The following OPCML variants were observed in gnomAD, a reference collection of about 807,000 sequenced individuals.
OPCML encodes opioid binding protein/cell adhesion molecule like.
In OPCML, 13 loss-of-function variants were observed where a neutral mutation model predicts 37.8. That is an observed-to-expected ratio of 0.34 (90% CI 0.22 to 0.55). The LOEUF (loss-of-function observed/expected upper bound fraction) is 0.55. Ranked by LOEUF, OPCML falls within the 20% of genes least tolerant of loss-of-function variation. OPCML has a pLI of 0.91. For synonymous variants in OPCML, 176 were observed against 168.8 expected (o/e 1.04, Z -0.33); for missense variants, 341 against 435.6 (o/e 0.78, Z 1.93).
At chr11:132,484,737 C>A (rs2096193741) in intron 4 of OPCML, among the ~76,000 whole-genome samples, 1 of 152,008 alleles carries the variant, frequency 6.6e-6, no homozygotes, top group South Asian at 2.1e-4. Flanking sequence ...ACTATGCAGC[C>A]ATAAAAAATG....
At chr11:133,207,567 T>C (rs1475295449) in intron 1 of OPCML, among the ~76,000 whole-genome samples, 3 of 152,174 alleles carry the variant, frequency 2.0e-5, no homozygotes, top group African/African-American at 7.2e-5. Flanking sequence ...TTTTTCCATC[T>C]GTGAAACGGC....
In OPCML at chr11:133,337,697, A is replaced by G. The variant is rs974227906; in HGVS notation, c.61+194567T>C. Among the ~76,000 whole-genome samples, 7 of 152,304 alleles carry G rather than the reference A, an allele frequency of 4.6e-5. No individual in the cohort carries two copies. The South Asian group carries it at 6.2e-4, about 14-fold the overall frequency. On this transcript the variant is annotated intron_variant, in intron 1 of 7. Coordinates refer to ENST00000524381, the MANE Select transcript of OPCML (RefSeq NM_001012393.5). ...CAGACTTCATCAAAACTTCCATGTA[A>G]AAATGGCCTCCAAATAGAACTCAAA...
At chr11:133,089,943 C>A (rs772869613) in intron 1 of OPCML, among the ~76,000 whole-genome samples, 6 of 152,210 alleles carry the variant, frequency 3.9e-5, no homozygotes, top group African/African-American at 1.4e-4. Context: ...CAAAAGTTAA[C>A]AGGTTCTCTC....
intron 2 of OPCML, among the ~76,000 whole-genome samples, chr11:132,689,197 A>C (rs2135882962): frequency 6.6e-6 from 1 of 152,278 alleles, no homozygotes; most frequent in Admixed American, 6.5e-5. Flanking sequence ...AACATTCAAT[A>C]ATGTCATCTA....
chr11:132,762,415 G>A (rs1946295639), intron 2 of OPCML, among the ~76,000 whole-genome samples: 1 of 152,218 alleles, frequency 6.6e-6, no homozygotes, highest in African/African-American at 2.4e-5. Context: ...ACCCATAGCT[G>A]CTCTTTCCCC....
At chr11:133,532,178 T>A in intron 1 of OPCML, 86 bp downstream of exon 1, 1 of 1,555,568 alleles carries the variant, frequency 6.4e-7, no homozygotes, top group Non-Finnish European at 8.7e-7. Flanking sequence ...CCTTCCTCCT[T>A]GCCTCTCCAT....
At chr11:133,103,491 C>T (rs914277082) in intron 1 of OPCML, among the ~76,000 whole-genome samples, 1 of 152,116 alleles carries the variant, frequency 6.6e-6, no homozygotes, top group Non-Finnish European at 1.5e-5. Context: ...GATCAAACAA[C>T]GAGGGCCAGG....
chr11:132,546,919 G>T (rs2137404595), intron 3 of OPCML, among the ~76,000 whole-genome samples: 1 of 152,316 alleles, frequency 6.6e-6, no homozygotes, highest in South Asian at 2.1e-4. Context: ...GGAAAGGAAA[G>T]CCTGTGTGGC....
intron 1 of OPCML, among the ~76,000 whole-genome samples, chr11:133,123,824 C>T (rs1949456492): frequency 6.6e-6 from 1 of 152,056 alleles, no homozygotes; most frequent in Non-Finnish European, 1.5e-5. Flanking sequence ...TTATAATTAT[C>T]CTAAGTGCTG....
chr11:133,128,631 AGCTT>A (rs1420878475), intron 1 of OPCML, among the ~76,000 whole-genome samples: 1 of 152,174 alleles, frequency 6.6e-6, no homozygotes, highest in Non-Finnish European at 1.5e-5. Context: ...CAGATGCCAT[AGCTT>A]GGCGTAAGCA....
chr11:133,327,234 G>T (rs150504777), intron 1 of OPCML, among the ~76,000 whole-genome samples: 1 of 151,530 alleles, frequency 6.6e-6, no homozygotes, highest in South Asian at 2.1e-4. Context: ...TATGTGGGCG[G>T]GGGATATGTG....
chr11:132,657,063 A>T (rs1196020572), intron 3 of OPCML, 24 bp downstream of exon 3: 1 of 1,608,560 alleles, frequency 6.2e-7, no homozygotes, highest in Non-Finnish European at 8.5e-7. Context: ...GGGAATGGCA[A>T]CCCCAGATCC....
intron 2 of OPCML, among the ~76,000 whole-genome samples, chr11:132,801,998 A>G (rs1938679443): frequency 6.6e-6 from 1 of 151,888 alleles, no homozygotes; most frequent in East Asian, 1.9e-4. Context: ...ATCTCCCCCC[A>G]CCACCCTCAT....
At chr11:132,509,073 G>T (rs959016271) in intron 4 of OPCML, among the ~76,000 whole-genome samples, 1 of 152,198 alleles carries the variant, frequency 6.6e-6, no homozygotes, top group Non-Finnish European at 1.5e-5. Context: ...GGCTGAGGTA[G>T]TCTCAGATGG....
At chr11:133,184,119 G>A (rs976061855) in intron 1 of OPCML, among the ~76,000 whole-genome samples, 2 of 152,160 alleles carry the variant, frequency 1.3e-5, no homozygotes, top group African/African-American at 4.8e-5. Context: ...CAAAAGGCAG[G>A]TGCTTCAGGT....
At chr11:133,020,465 G>A (rs1348440038) in intron 1 of OPCML, among the ~76,000 whole-genome samples, 2 of 152,164 alleles carry the variant, frequency 1.3e-5, no homozygotes, top group East Asian at 3.9e-4. Context: ...TCCCAGTTCA[G>A]AAGCCTCCTG....
intron 2 of OPCML, among the ~76,000 whole-genome samples, chr11:132,827,922 C>T (rs974285478): frequency 2.0e-5 from 3 of 152,016 alleles, no homozygotes; most frequent in Non-Finnish European, 2.9e-5. Flanking sequence ...TGAGCCACCG[C>T]GCCTGGCCCC....
At chr11:132,625,181 T>C (rs1438424739) in intron 3 of OPCML, among the ~76,000 whole-genome samples, 3 of 152,144 alleles carry the variant, frequency 2.0e-5, no homozygotes, top group Admixed American at 6.6e-5. Context: ...TGTCTGTTCA[T>C]TGTTTTTTGT....
chr11:133,343,167 C>A (rs1209055445), intron 1 of OPCML, among the ~76,000 whole-genome samples: 1 of 152,016 alleles, frequency 6.6e-6, no homozygotes, highest in Admixed American at 6.6e-5. Flanking sequence ...AAGAGAGTAA[C>A]AAAGTCCAAG....
Sources: allele counts gnomAD v4.1 joint callset (sites outside exome capture counted in the v4.1 genomes callset), GRCh38; gene constraint gnomAD v4.1.1; transcripts MANE v1.5; gene names NCBI Gene and HGNC (gene_info 2026-07-23, HGNC 2026-07-21).